The following WWOX variants were observed in gnomAD, a reference collection of about 807,000 sequenced individuals.
WWOX encodes the protein WW domain-containing oxidoreductase.
WWOX carries 69 observed loss-of-function variants against 46.2 expected under a neutral mutation model. The ratio of observed to expected loss-of-function variants is 1.49; its 90% confidence interval spans 1.23 to 1.82. WWOX has a LOEUF of 1.82. Ranked by LOEUF, WWOX falls within the 40% of genes most tolerant of loss-of-function variation. WWOX has a pLI of 0.00. For missense variants in WWOX, 919 were observed against 542.6 expected, an observed-to-expected ratio of 1.69 and a Z score of -6.89; for synonymous variants, 359 against 202.6, an observed-to-expected ratio of 1.77 and a Z score of -6.56.
chr16:79,172,487 G>A (rs1567597046), intron 8 of WWOX, among the ~76,000 whole-genome samples: 3 of 152,060 alleles, frequency 2.0e-5, no homozygotes, highest in Non-Finnish European at 4.4e-5. Flanking sequence ...CCTGTGTCTG[G>A]CTCAGAGTAG....
At chr16:78,506,158 G>A (rs187487613) in intron 8 of WWOX, among the ~76,000 whole-genome samples, 3 of 152,188 alleles carry the variant, frequency 2.0e-5, no homozygotes, top group Non-Finnish European at 2.9e-5. Flanking sequence ...TTCTGTGGAC[G>A]TGAAAAGACT....
At chr16:79,109,946 T>A (rs2049384837) in intron 8 of WWOX, among the ~76,000 whole-genome samples, 1 of 152,180 alleles carries the variant, frequency 6.6e-6, no homozygotes, top group Non-Finnish European at 1.5e-5. Flanking sequence ...AAAATGTCAG[T>A]TGCATGGAAA....
chr16:78,680,091 A>T (rs1044646815), intron 8 of WWOX, among the ~76,000 whole-genome samples: 1 of 152,196 alleles, frequency 6.6e-6, no homozygotes, highest in Admixed American at 6.5e-5. Context: ...CAGCCCTCAC[A>T]GGCTTAGAGT....
chr16:78,975,349 T>G lies in WWOX; in HGVS notation c.1057-236259T>G, dbSNP rs138664726. On this transcript the variant is annotated intron_variant, in intron 8 of 8. Transcript: ENST00000566780. ...TTCTGGGGGTAGAGGCCGGGGATAG[T>G]GGTTAACATCCTACATGAACAGGGC... is the stretch of plus-strand genomic sequence containing the variant. Among the ~76,000 whole-genome samples, 1,259 of 152,124 alleles carry G rather than the reference T, an allele frequency of 8.3e-3. 7 individuals are homozygous for G. The highest frequency in any genetic ancestry group is 0.013 in the Non-Finnish European group (857 of 67,992).
At chr16:78,382,980 A>G (rs1365786845) in intron 5 of WWOX, among the ~76,000 whole-genome samples, 1 of 151,598 alleles carries the variant, frequency 6.6e-6, no homozygotes, top group Non-Finnish European at 1.5e-5. Flanking sequence ...CATGGCGAAG[A>G]GGAAGCAGGC....
At chr16:78,978,610 C>T (rs1316909937) in intron 8 of WWOX, among the ~76,000 whole-genome samples, 3 of 152,154 alleles carry the variant, frequency 2.0e-5, no homozygotes, top group Non-Finnish European at 4.4e-5. Flanking sequence ...ATAGAAGCTT[C>T]TGCTACTGGG....
chr16:78,573,352 G>C (rs919581661), intron 8 of WWOX, among the ~76,000 whole-genome samples: 2 of 152,136 alleles, frequency 1.3e-5, no homozygotes, highest in Admixed American at 1.3e-4. Context: ...AACCAAAATA[G>C]GTATCAGATA....
At chr16:78,555,804 G>C (rs2044280022) in intron 8 of WWOX, among the ~76,000 whole-genome samples, 1 of 152,022 alleles carries the variant, frequency 6.6e-6, no homozygotes, top group African/African-American at 2.4e-5. Flanking sequence ...TGCCAGAGGA[G>C]GACTCTTCTG....
chr16:78,913,573 C>G (rs983103098), intron 8 of WWOX, among the ~76,000 whole-genome samples: 1 of 151,944 alleles, frequency 6.6e-6, no homozygotes, highest in Non-Finnish European at 1.5e-5. Context: ...AAATACAGAA[C>G]TAGTTTTGGA....
intron 5 of WWOX, among the ~76,000 whole-genome samples, chr16:78,221,222 G>A (rs918208931): frequency 2.0e-5 from 3 of 152,148 alleles, no homozygotes; most frequent in Admixed American, 6.5e-5. Context: ...GAAAGTTAGA[G>A]ATTAAAAGGT....
intron 8 of WWOX, among the ~76,000 whole-genome samples, chr16:78,542,147 G>C (rs1567632560): frequency 1.4e-5 from 2 of 147,900 alleles, no homozygotes; most frequent in Non-Finnish European, 3.0e-5. Context: ...ATCGACACTA[G>C]ACATCTCAGG....
intron 8 of WWOX, among the ~76,000 whole-genome samples, chr16:78,563,870 G>T (rs369011260): frequency 1.5e-4 from 21 of 143,754 alleles, no homozygotes; most frequent in African/African-American, 5.0e-4. Flanking sequence ...GGTGAAGTTC[G>T]TTTGTCCACT....
chr16:78,336,741 A>G (rs1290360917), intron 5 of WWOX, among the ~76,000 whole-genome samples: 1 of 152,164 alleles, frequency 6.6e-6, no homozygotes, highest in Non-Finnish European at 1.5e-5. Flanking sequence ...GTTTTGGCTT[A>G]TAAAAATGGT....
At chr16:78,130,638 G>A (rs928293676) in intron 4 of WWOX, among the ~76,000 whole-genome samples, 3 of 152,218 alleles carry the variant, frequency 2.0e-5, no homozygotes, top group Non-Finnish European at 2.9e-5. Flanking sequence ...GCTTCCTGTA[G>A]AGGCTTGAGC....
At chr16:78,596,608 T>G (rs1017997559) in intron 8 of WWOX, among the ~76,000 whole-genome samples, 2 of 152,192 alleles carry the variant, frequency 1.3e-5, no homozygotes, top group African/African-American at 4.8e-5. Flanking sequence ...AGAGGAAACC[T>G]AGACCTATGG....
intron 8 of WWOX, among the ~76,000 whole-genome samples, chr16:79,173,803 C>G (rs1316026073): frequency 1.3e-5 from 2 of 151,722 alleles, no homozygotes; most frequent in Non-Finnish European, 2.9e-5. Context: ...GGTTTAATGA[C>G]AAAGTGGGGT....
chr16:78,973,813 G>T (rs561422224), intron 8 of WWOX, among the ~76,000 whole-genome samples: 6 of 152,250 alleles, frequency 3.9e-5, no homozygotes. Context: ...GTTCGGGAGT[G>T]GGGGCACCAG....
intron 8 of WWOX, among the ~76,000 whole-genome samples, chr16:78,498,818 G>A (rs927877270): frequency 1.3e-5 from 2 of 151,998 alleles, no homozygotes; most frequent in Admixed American, 6.6e-5. Flanking sequence ...TTCCTGCCTT[G>A]GCCTCCCAAA....
At chr16:78,697,763 C>T (rs910070647) in intron 8 of WWOX, among the ~76,000 whole-genome samples, 1 of 152,132 alleles carries the variant, frequency 6.6e-6, no homozygotes, top group African/African-American at 2.4e-5. Flanking sequence ...AATGCATTTT[C>T]ATCTTATGGT....
Sources: allele counts gnomAD v4.1 joint callset (sites outside exome capture counted in the v4.1 genomes callset), GRCh38; gene constraint gnomAD v4.1.1; transcripts MANE v1.5; gene names NCBI Gene and HGNC (gene_info 2026-07-23, HGNC 2026-07-21).